The following SAMHD1 variants were observed in gnomAD, a reference collection of about 807,000 sequenced individuals.
SAMHD1 encodes the protein SAM and HD domain containing deoxynucleoside triphosphate triphosphohydrolase 1, also known as deoxynucleoside triphosphate triphosphohydrolase SAMHD1.
A neutral mutation model predicts 79.6 loss-of-function variants in SAMHD1; 54 were observed. The ratio of observed to expected loss-of-function variants is 0.68; its 90% CI spans 0.55 to 0.85. SAMHD1 has a LOEUF of 0.85. SAMHD1 is among the 40% of genes least tolerant of loss of function. SAMHD1 has a pLI of 0.00. For synonymous variants in SAMHD1, 260 were observed against 264.1 expected (o/e 0.98, Z 0.15); for missense variants, 663 against 782.7 (o/e 0.85, Z 1.82).
chr20:36,893,244 A>C, intron 15 of SAMHD1, 178 bp from the exon 16 acceptor site: 1 of 713,670 alleles, frequency 1.4e-6, no homozygotes, highest in Non-Finnish European at 2.4e-6. Context: ...AATTAGAAAC[A>C]CTACAGTCTT....
chr20:36,899,292 G>A (rs1050711275), intron 13 of SAMHD1, among the ~76,000 whole-genome samples: 25 of 151,676 alleles, frequency 1.6e-4, no homozygotes, highest in African/African-American at 6.1e-4. Context: ...GCCAGACGTG[G>A]TGTTGTGCAC....
At chr20:36,893,198 GA>G in intron 15 of SAMHD1, 132 bp from the exon 16 acceptor site, 1 of 1,126,036 alleles carries the variant, frequency 8.9e-7, no homozygotes, top group Non-Finnish European at 1.3e-6. Flanking sequence ...TCAATCCAGG[GA>G]AACTCCAAAT....
intron 13 of SAMHD1, among the ~76,000 whole-genome samples, chr20:36,900,630 G>A (rs993904253): frequency 1.5e-4 from 22 of 148,324 alleles, no homozygotes; most frequent in African/African-American, 5.0e-4. Flanking sequence ...GCAGTGGCTC[G>A]CTCTCGGCTC....
intron 15 of SAMHD1, among the ~76,000 whole-genome samples, chr20:36,896,603 G>A (rs1307810723): frequency 6.6e-6 from 1 of 151,990 alleles, no homozygotes; most frequent in Non-Finnish European, 1.5e-5. Flanking sequence ...TTGGGGGGCC[G>A]AGGTGGGCGG....
rs73286524 is a variant in SAMHD1 at position 36,911,723 on chromosome 20, C to T, written c.1155-390G>A. Reference sequence around the variant, plus strand: ...CAATAACAACAACAAAAACTCTTACCGAAGAATTAACATACAAATAGGAGA... The same window carrying T: ...CAATAACAACAACAAAAACTCTTACTGAAGAATTAACATACAAATAGGAGA... On this transcript the variant is annotated intron_variant, in intron 10 of 15. Coordinates refer to ENST00000646673, the MANE Select transcript of SAMHD1 (RefSeq NM_015474.4). The T allele has an allele frequency of 6.7e-4, 134 of 199,556 alleles. 1 individual carries two copies. Among genetic ancestry groups the T allele is most frequent in the African/African-American group, 3.0e-3 (127 of 42,602 alleles). 12.4% of individuals were successfully genotyped at this position (199,556 alleles called of 1,614,324 possible). A position where few individuals can be genotyped will look rare whatever the true frequency, so the allele number is the denominator to read the frequency against.
intron 15 of SAMHD1, among the ~76,000 whole-genome samples, chr20:36,896,618 C>T (rs534805591): frequency 3.3e-5 from 5 of 152,020 alleles, no homozygotes; most frequent in Admixed American, 6.5e-5. Flanking sequence ...GGGCGGATCA[C>T]GAGGTCAGGA....
At chr20:36,912,600 C>A (rs749868065) in intron 9 of SAMHD1, 48 bp from the exon 10 acceptor site, 2 of 1,319,566 alleles carry the variant, frequency 1.5e-6, no homozygotes, top group Non-Finnish European at 2.2e-6. Context: ...ATTATGTTAA[C>A]GTTATTAGAG....
chr20:36,946,036 A>G (rs2063683769), intron 2 of SAMHD1, among the ~76,000 whole-genome samples: 1 of 152,048 alleles, frequency 6.6e-6, no homozygotes, highest in African/African-American at 2.4e-5. Flanking sequence ...TAATCTCAGC[A>G]CTTTGGGAGG....
intron 6 of SAMHD1, among the ~76,000 whole-genome samples, chr20:36,926,543 TA>T (rs1369048769): frequency 6.6e-6 from 1 of 152,060 alleles, no homozygotes; most frequent in Non-Finnish European, 1.5e-5. Flanking sequence ...TCACTGAACT[TA>T]AGATCTGGAC....
Position 36,893,003 on chromosome 20 carries a change from C to G in SAMHD1, c.1810G>C (p.Val604Leu), listed in dbSNP as rs776120597. 1.2e-6 allele frequency: 2 copies of G among 1,613,958 alleles called. No homozygotes were observed. The highest frequency in any genetic ancestry group is 1.1e-5 in the South Asian group (1 of 91,058). Residue 604 changes from valine (V) to leucine (L), a missense_variant, in exon 16 of 16, where the codon GTC becomes CTC. Physicochemically the swap from Val to Leu is conservative, Grantham distance 32. Transcript: ENST00000646673. Reference protein sequence around the residue: ...QKKEWNDSTSVQNPTRLREAS... With the variant: ...QKKEWNDSTSLQNPTRLREAS... ...TCTCGGAGGCGAGTTGGATTTTGGACTGAAGTACTGTCGTTCCATTCCTTT... is the reference window on the plus strand; with the variant it reads ...TCTCGGAGGCGAGTTGGATTTTGGAGTGAAGTACTGTCGTTCCATTCCTTT...
rs529639777 is a variant in SAMHD1 at position 36,927,314 on chromosome 20, C to CTT, written c.626-64_626-63dup. 4,755 of 759,778 alleles carry CTT rather than the reference C, an allele frequency of 6.3e-3. 3 individuals carry two copies. Among genetic ancestry groups the CTT allele is most frequent in the East Asian group, 8.0e-3 (234 of 29,312 alleles). 47.1% of individuals were successfully genotyped at this position (759,778 alleles called of 1,614,324 possible). On this transcript the variant is annotated intron_variant, in intron 5 of 15. Transcript: ENST00000646673. ...TCTGTAAACCAACAAAAACTTTTTC[C>CTT]TTTTTTTTTTTTTTTTTTTTGAGAC... is the stretch of plus-strand genomic sequence containing the variant.
intron 13 of SAMHD1, among the ~76,000 whole-genome samples, chr20:36,901,208 A>C (rs1990300126): frequency 6.6e-6 from 1 of 151,994 alleles, no homozygotes; most frequent in Non-Finnish European, 1.5e-5. Flanking sequence ...TCTGTTGCCT[A>C]GGCTGGAGTG....
intron 9 of SAMHD1, chr20:36,916,458 C>A (rs565954628): frequency 2.2e-4 from 86 of 390,332 alleles, no homozygotes; most frequent in South Asian, 2.0e-3. Flanking sequence ...ACAGTGAGAT[C>A]CTATTTCAAA....
chr20:36,907,967 C>T (rs1445328303), intron 11 of SAMHD1, among the ~76,000 whole-genome samples: 2 of 152,004 alleles, frequency 1.3e-5, no homozygotes, highest in Admixed American at 6.6e-5. Flanking sequence ...CCTCCGCCTC[C>T]TGGGTTCAAT....
chr20:36,947,310 G>GTGT, intron 1 of SAMHD1, among the ~76,000 whole-genome samples: 1 of 85,132 alleles, frequency 1.2e-5, no homozygotes, highest in East Asian at 3.9e-4. Flanking sequence ...ATTTGGAAGA[G>GTGT]GTGTGTGTGT....
At chr20:36,937,168 A>T (rs928879050) in intron 3 of SAMHD1, among the ~76,000 whole-genome samples, 1 of 151,482 alleles carries the variant, frequency 6.6e-6, no homozygotes, top group Admixed American at 6.6e-5. Context: ...AGATTCATTG[A>T]TACATTTGAA....
At chr20:36,904,856 C>T (rs1018058233) in intron 12 of SAMHD1, 7 of 179,786 alleles carry the variant, frequency 3.9e-5, no homozygotes, top group East Asian at 1.4e-4. Flanking sequence ...ACTTGTGTTA[C>T]GGCTTTCTGG....
At position 36,934,712 on chromosome 20, in the gene SAMHD1, C is replaced by T. The variant is rs546094343; in HGVS notation, c.509+317G>A. 10 of 204,696 alleles carry T rather than the reference C, an allele frequency of 4.9e-5. No homozygotes were observed. The East Asian group carries it at 1.2e-3, about 24-fold the overall frequency. 12.7% of individuals were successfully genotyped at this position (204,696 alleles called of 1,614,324 possible). A position where few individuals can be genotyped will look rare whatever the true frequency, so the allele number is the denominator to read the frequency against. On this transcript the variant is annotated intron_variant, in intron 4 of 15. Coordinates refer to ENST00000646673, the MANE Select transcript of SAMHD1 (RefSeq NM_015474.4). ...TGCTCTTGTTGCCTAGGCTGGAGTGCGATGGTGCAATCTCAGCTCACTGCA... is the reference window on the plus strand; with the variant it reads ...TGCTCTTGTTGCCTAGGCTGGAGTGTGATGGTGCAATCTCAGCTCACTGCA...
intron 12 of SAMHD1, chr20:36,904,830 T>C (rs1281797333): frequency 5.6e-6 from 1 of 177,800 alleles, no homozygotes; most frequent in African/African-American, 2.4e-5. Context: ...TGAGGTAGGA[T>C]GTGGTTATAA....
Sources: gnomAD v4.1 joint callset for allele counts (sites outside exome capture counted in the v4.1 genomes callset) on GRCh38, gnomAD v4.1.1 for gene constraint, MANE v1.5 for transcripts, NCBI Gene and HGNC (gene_info 2026-07-23, HGNC 2026-07-21) for gene names.